Variants in MRPS27 observed in about 807,000 individuals in gnomAD.
MRPS27 encodes small ribosomal subunit protein mS27.
Under a neutral mutation model 48.9 loss-of-function variants are expected in MRPS27, and 43 were observed. The ratio of observed to expected loss-of-function variants is 0.88; its 90% CI spans 0.69 to 1.13. The LOEUF (loss-of-function observed/expected upper bound fraction) is 1.13, where lower values mean the gene tolerates loss of function less well. MRPS27 is among the 50% of genes most tolerant of loss of function. The pLI is 0.00. For synonymous variants in MRPS27, 188 were observed against 171.9 expected (o/e 1.09, Z -0.73); for missense variants, 467 against 476.3 (o/e 0.98, Z 0.18).
At chr5:72,259,392 C>T (rs980028204) in intron 4 of MRPS27, among the ~76,000 whole-genome samples, 13 of 150,466 alleles carry the variant, frequency 8.6e-5, no homozygotes, top group East Asian at 5.8e-4. Flanking sequence ...TGCTTGAATC[C>T]GGGAAGCAGA....
chr5:72,239,817 G>T (rs1748302910), intron 4 of MRPS27, among the ~76,000 whole-genome samples: 1 of 152,106 alleles, frequency 6.6e-6, no homozygotes, highest in Admixed American at 6.6e-5. Flanking sequence ...GTAGCTGGGA[G>T]TATAGGTGCA....
intron 1 of MRPS27, among the ~76,000 whole-genome samples, chr5:72,319,270 T>C (rs1750668865): frequency 6.6e-6 from 1 of 152,220 alleles, no homozygotes; most frequent in South Asian, 2.1e-4. Flanking sequence ...TGGGCTGCCA[T>C]TTAGTTCAGA....
chr5:72,244,263 G>GAGTT (rs1304772496), intron 4 of MRPS27, among the ~76,000 whole-genome samples: 3 of 152,130 alleles, frequency 2.0e-5, no homozygotes, highest in Non-Finnish European at 4.4e-5. Context: ...TGCAGATGTG[G>GAGTT]AGTGCTAAAT....
chr5:72,308,287 G>A (rs1006171364), intron 2 of MRPS27, among the ~76,000 whole-genome samples: 3 of 152,216 alleles, frequency 2.0e-5, no homozygotes, highest in Non-Finnish European at 2.9e-5. Context: ...GTACTCCCCG[G>A]CAGGGCACGG....
chr5:72,251,097 C>T (rs1299352615), intron 4 of MRPS27, among the ~76,000 whole-genome samples: 2 of 152,220 alleles, frequency 1.3e-5, no homozygotes, highest in Admixed American at 6.5e-5. Flanking sequence ...CTAAGGGCCA[C>T]TGAGTTAAGT....
chr5:72,245,313 T>C (rs984154993), intron 4 of MRPS27, among the ~76,000 whole-genome samples: 1 of 152,210 alleles, frequency 6.6e-6, no homozygotes, highest in African/African-American at 2.4e-5. Flanking sequence ...CAGTCCTGTT[T>C]ATAAAAGCAT....
intron 4 of MRPS27, among the ~76,000 whole-genome samples, chr5:72,255,573 A>G (rs530654899): frequency 7.9e-4 from 121 of 152,360 alleles, no homozygotes; most frequent in African/African-American, 2.8e-3. Flanking sequence ...ATTCAATAAT[A>G]AAATAAGCAC....
At chr5:72,231,711 T>A (rs943837489) in intron 7 of MRPS27, among the ~76,000 whole-genome samples, 1 of 152,154 alleles carries the variant, frequency 6.6e-6, no homozygotes, top group African/African-American at 2.4e-5. Flanking sequence ...CCTCTTCAGT[T>A]CCTACCCAAA....
At chr5:72,299,350 C>T (rs994700436) in intron 2 of MRPS27, among the ~76,000 whole-genome samples, 2 of 148,712 alleles carry the variant, frequency 1.3e-5, no homozygotes, top group Admixed American at 6.7e-5. Context: ...TGGGGAGGGG[C>T]GGGGAAAGGA....
At chr5:72,261,451 T>C (rs1032398812) in intron 4 of MRPS27, among the ~76,000 whole-genome samples, 3 of 151,820 alleles carry the variant, frequency 2.0e-5, no homozygotes, top group African/African-American at 7.3e-5. Flanking sequence ...GGTTTTACCA[T>C]GTTGGCCAGG....
At chr5:72,276,675 G>A (rs563277642) in intron 4 of MRPS27, among the ~76,000 whole-genome samples, 1 of 151,734 alleles carries the variant, frequency 6.6e-6, no homozygotes, top group African/African-American at 2.4e-5. Context: ...ATCTGACAAA[G>A]GTCTAATATC....
At chr5:72,250,505 T>G (rs1748636767) in intron 4 of MRPS27, among the ~76,000 whole-genome samples, 1 of 152,178 alleles carries the variant, frequency 6.6e-6, no homozygotes, top group South Asian at 2.1e-4. Context: ...TCGATGCCAC[T>G]TTCACTGTGA....
intron 4 of MRPS27, among the ~76,000 whole-genome samples, chr5:72,270,386 G>A (rs559365384): frequency 6.6e-5 from 10 of 151,816 alleles, no homozygotes; most frequent in African/African-American, 1.7e-4. Flanking sequence ...GTCCATGGAA[G>A]TACAAATGAC....
intron 8 of MRPS27, 178 bp downstream of exon 8, chr5:72,228,088 C>T (rs1747947480): frequency 5.1e-6 from 3 of 593,208 alleles, no homozygotes; most frequent in Non-Finnish European, 2.9e-6. Flanking sequence ...TTTAAGAACC[C>T]TCTTTACTCT....
intron 2 of MRPS27, among the ~76,000 whole-genome samples, chr5:72,300,978 A>T (rs1356268948): frequency 1.3e-5 from 2 of 152,256 alleles, no homozygotes; most frequent in Non-Finnish European, 2.9e-5. Context: ...TACCTAAAGA[A>T]ATGAATCAAA....
intron 9 of MRPS27, 93 bp downstream of exon 9, chr5:72,225,964 A>G: frequency 7.1e-7 from 1 of 1,414,574 alleles, no homozygotes; most frequent in Non-Finnish European, 9.6e-7. Context: ...TATAGAAAGT[A>G]GGGGTAGTGG....
chr5:72,230,984 C>T lies in MRPS27; in HGVS notation c.591+1459G>A, dbSNP rs56320323. Among the ~76,000 whole-genome samples the T allele has an allele frequency of 9.0e-3, 1,369 of 152,200 alleles. 28 individuals carry two copies. Among genetic ancestry groups the T allele is most frequent in the African/African-American group, 0.029 (1,213 of 41,540 alleles). ...CTTGCTGAGATTCATGGTAGTCTCT[C>T]GGATGGTCTGACCATAGCCATCCTT... On this transcript the variant is annotated intron_variant, in intron 7 of 10. Coordinates refer to ENST00000261413, the MANE Select transcript of MRPS27 (RefSeq NM_015084.3).
At chr5:72,274,159 G>A (rs1749315880) in intron 4 of MRPS27, among the ~76,000 whole-genome samples, 1 of 152,162 alleles carries the variant, frequency 6.6e-6, no homozygotes, top group Non-Finnish European at 1.5e-5. Flanking sequence ...TTCGAGACCA[G>A]TCTGGTCAAT....
At chr5:72,251,903 A>G (rs911011471) in intron 4 of MRPS27, among the ~76,000 whole-genome samples, 3 of 152,168 alleles carry the variant, frequency 2.0e-5, no homozygotes, top group African/African-American at 7.2e-5. Flanking sequence ...CGTGCCCACC[A>G]CTGGCAACCT....
Sources: gnomAD v4.1 joint callset for allele counts (sites outside exome capture counted in the v4.1 genomes callset) on GRCh38, gnomAD v4.1.1 for gene constraint, MANE v1.5 for transcripts, NCBI Gene and HGNC (gene_info 2026-07-23, HGNC 2026-07-21) for gene names.